TOM1L2: variants seen among roughly 807,000 people sequenced by gnomAD.
The protein encoded by TOM1L2 is target of myb1 like 2 membrane trafficking protein.
TOM1L2 carries 31 observed loss-of-function variants against 67.9 expected under a neutral mutation model. The ratio of observed to expected loss-of-function variants is 0.46; its 90% CI spans 0.34 to 0.62. The LOEUF (loss-of-function observed/expected upper bound fraction) is 0.62. Ranked by LOEUF, TOM1L2 falls within the 20% of genes least tolerant of loss-of-function variation. The pLI is 0.01. For synonymous variants in TOM1L2, 256 were observed against 254.0 expected (o/e 1.01, Z -0.07); for missense variants, 606 against 663.5 (o/e 0.91, Z 0.95).
chr17:17,971,173 T>G (rs573149021), intron 1 of TOM1L2, among the ~76,000 whole-genome samples: 2 of 152,224 alleles, frequency 1.3e-5, no homozygotes, highest in Admixed American at 1.3e-4. Context: ...TTTGGTAAAC[T>G]TAATATGAGG....
At chr17:17,858,854 T>A (rs563823299) in intron 12 of TOM1L2, 1 of 152,292 alleles carries the variant, frequency 6.6e-6, no homozygotes, top group East Asian at 1.9e-4. Context: ...GTGCTGGGAT[T>A]ACAGGCGTGA....
intron 12 of TOM1L2, among the ~76,000 whole-genome samples, chr17:17,856,951 T>C (rs1055726151): frequency 5.9e-5 from 9 of 152,240 alleles, no homozygotes; most frequent in Non-Finnish European, 1.2e-4. Context: ...CTGTTTCTAC[T>C]GTGTTTATTT....
intron 5 of TOM1L2, among the ~76,000 whole-genome samples, chr17:17,884,314 C>A (rs920009005): frequency 6.6e-6 from 1 of 152,206 alleles, no homozygotes; most frequent in African/African-American, 2.4e-5. Flanking sequence ...AGGATTCCCA[C>A]ACCAGATTCT....
intron 1 of TOM1L2, among the ~76,000 whole-genome samples, chr17:17,931,571 C>G (rs557119490): frequency 6.6e-6 from 1 of 152,312 alleles, no homozygotes; most frequent in African/African-American, 2.4e-5. Flanking sequence ...TCCCCCTCCC[C>G]CGTACAAAAT....
chr17:17,931,319 G>C (rs2040325634), intron 1 of TOM1L2, among the ~76,000 whole-genome samples: 1 of 152,164 alleles, frequency 6.6e-6, no homozygotes. Context: ...TGCCAAGCAA[G>C]GCAGAGCACC....
intron 4 of TOM1L2, among the ~76,000 whole-genome samples, chr17:17,891,784 C>CATGT (rs2038291643): frequency 7.0e-6 from 1 of 143,128 alleles, no homozygotes; most frequent in South Asian, 2.3e-4. Context: ...TGCATGCACA[C>CATGT]GTGTGTGTGT....
intron 1 of TOM1L2, among the ~76,000 whole-genome samples, chr17:17,949,567 C>T (rs1598394201): frequency 6.6e-6 from 1 of 152,358 alleles, no homozygotes; most frequent in Middle Eastern, 3.4e-3. Flanking sequence ...AAGACAGTGG[C>T]TCTCTGGTCA....
At chr17:17,913,205 A>T (rs1365308630) in intron 1 of TOM1L2, among the ~76,000 whole-genome samples, 1 of 149,584 alleles carries the variant, frequency 6.7e-6, no homozygotes. Flanking sequence ...GACCGTGGGG[A>T]GACGGGAGAG....
chr17:17,864,443 C>T (rs1362174292), intron 10 of TOM1L2, among the ~76,000 whole-genome samples: 1 of 151,830 alleles, frequency 6.6e-6, no homozygotes, highest in African/African-American at 2.4e-5. Context: ...ATCTCCTGAC[C>T]TTGTGATCCA....
intron 1 of TOM1L2, among the ~76,000 whole-genome samples, chr17:17,945,101 A>G (rs1054714317): frequency 6.6e-6 from 1 of 152,178 alleles, no homozygotes; most frequent in African/African-American, 2.4e-5. Context: ...TGCAAATACC[A>G]AAGGGTGGAT....
chr17:17,872,571 G>A (rs1037582792), intron 7 of TOM1L2, among the ~76,000 whole-genome samples: 2 of 152,234 alleles, frequency 1.3e-5, no homozygotes, highest in African/African-American at 4.8e-5. Context: ...AGAGAAAAGA[G>A]GTCAAACAAA....
intron 1 of TOM1L2, among the ~76,000 whole-genome samples, chr17:17,940,192 C>CAAAAAAAAAAA (rs34433429): frequency 3.1e-4 from 10 of 32,612 alleles, no homozygotes; most frequent in African/African-American, 8.8e-4. Context: ...GACTCTATCT[C>CAAAAAAAAAAA]AAAAAAAAAA....
chr17:17,943,014 T>C (rs2040798459), intron 1 of TOM1L2, among the ~76,000 whole-genome samples: 1 of 152,168 alleles, frequency 6.6e-6, no homozygotes, highest in East Asian at 1.9e-4. Context: ...TTCAAAATAA[T>C]GCAGAGTGGG....
chr17:17,944,623 C>T (rs1425556314), intron 1 of TOM1L2, among the ~76,000 whole-genome samples: 1 of 152,206 alleles, frequency 6.6e-6, no homozygotes, highest in Non-Finnish European at 1.5e-5. Flanking sequence ...AAGCACCAGG[C>T]ACCTGCTTCT....
chr17:17,866,758 C>G, intron 9 of TOM1L2, 118 bp downstream of exon 9: 1 of 1,091,954 alleles, frequency 9.2e-7, no homozygotes, highest in Admixed American at 1.8e-5. Flanking sequence ...GAGCTTGCCT[C>G]TTCAATTTCC....
chr17:17,878,742 A>C (rs2037554691), intron 7 of TOM1L2, among the ~76,000 whole-genome samples: 1 of 152,188 alleles, frequency 6.6e-6, no homozygotes. Flanking sequence ...CTGTTCCCTC[A>C]AGCATCTTGC....
chr17:17,868,342 G>A (rs2036969007), intron 8 of TOM1L2, among the ~76,000 whole-genome samples: 1 of 152,196 alleles, frequency 6.6e-6, no homozygotes, highest in African/African-American at 2.4e-5. Context: ...GGCTGTGACA[G>A]CCATAACAAA....
At chr17:17,963,327 T>C (rs1395444209) in intron 1 of TOM1L2, among the ~76,000 whole-genome samples, 3 of 152,240 alleles carry the variant, frequency 2.0e-5, no homozygotes, top group Admixed American at 6.5e-5. Flanking sequence ...GGTGGAACTA[T>C]GCTATCTTTC....
At chr17:17,869,292 A>C in intron 8 of TOM1L2, 48 bp downstream of exon 8, 1 of 1,599,298 alleles carries the variant, frequency 6.3e-7, no homozygotes, top group South Asian at 1.1e-5. Context: ...CTGTTATGGC[A>C]ACAATCTTTT....
Sources: allele counts gnomAD v4.1 joint callset (sites outside exome capture counted in the v4.1 genomes callset), GRCh38; gene constraint gnomAD v4.1.1; transcripts MANE v1.5; gene names NCBI Gene and HGNC (gene_info 2026-07-23, HGNC 2026-07-21).